FHIT: variants seen among roughly 807,000 people sequenced by gnomAD.
FHIT encodes bis(5'-adenosyl)-triphosphatase.
A neutral mutation model predicts 17.9 loss-of-function variants in FHIT; 19 were observed. That is an observed-to-expected ratio of 1.06 (90% CI 0.74 to 1.56). The LOEUF (loss-of-function observed/expected upper bound fraction) is 1.56, where lower values mean the gene tolerates loss of function less well. Among genes scored for constraint, FHIT ranks in the 40% most tolerant of loss-of-function variants. The pLI, the probability that FHIT is intolerant of heterozygous loss-of-function variation, is 0.00. For missense variants in FHIT, 248 were observed against 189.2 expected (o/e 1.31, Z -1.82); for synonymous variants, 81 against 69.7 (o/e 1.16, Z -0.81).
intron 5 of FHIT, among the ~76,000 whole-genome samples, chr3:60,049,323 C>T (rs1701779687): frequency 6.6e-6 from 1 of 152,104 alleles, no homozygotes; most frequent in African/African-American, 2.4e-5. Flanking sequence ...CATGCAGCTA[C>T]CGGGCATTTG....
intron 8 of FHIT, among the ~76,000 whole-genome samples, chr3:59,909,394 A>G (rs1013010803): frequency 6.0e-5 from 9 of 150,524 alleles, no homozygotes; most frequent in African/African-American, 2.2e-4. Flanking sequence ...CAGTGGCATG[A>G]TCTCAGCTCA....
intron 5 of FHIT, among the ~76,000 whole-genome samples, chr3:60,443,048 G>A (rs1345382395): frequency 6.6e-6 from 1 of 152,126 alleles, no homozygotes; most frequent in Admixed American, 6.5e-5. Flanking sequence ...GTGAATGGGA[G>A]TTCACTCATG....
At chr3:60,365,657 C>A (rs1576544680) in intron 5 of FHIT, among the ~76,000 whole-genome samples, 1 of 152,164 alleles carries the variant, frequency 6.6e-6, no homozygotes, top group African/African-American at 2.4e-5. Context: ...CCATCTCTTT[C>A]AGATCAAAAT....
intron 2 of FHIT, among the ~76,000 whole-genome samples, chr3:61,084,688 A>G (rs1328345377): frequency 6.6e-6 from 1 of 152,218 alleles, no homozygotes; most frequent in African/African-American, 2.4e-5. Context: ...TTTACATAGC[A>G]TGAAATTCAT....
At chr3:60,404,678 T>C (rs1559886857) in intron 5 of FHIT, among the ~76,000 whole-genome samples, 1 of 152,200 alleles carries the variant, frequency 6.6e-6, no homozygotes, top group African/African-American at 2.4e-5. Context: ...TTCCCAGCCC[T>C]GCAACAGGGC....
In FHIT at chr3:60,246,527, C is replaced by T. The variant is rs534070574; in HGVS notation, c.104-232375G>A. On this transcript the variant is annotated intron_variant, in intron 5 of 9. Transcript: ENST00000492590. ...GTCTTTAATTAGGAAGAACAGGTGG[C>T]TGAGAGGCACAAGGTGAGTATTAGC... 2.6e-5 allele frequency among the ~76,000 whole-genome samples: 4 copies of T among 152,140 alleles called. No individual in the cohort carries two copies. The South Asian group carries it at 6.2e-4, about 24-fold the overall frequency.
At chr3:60,621,143 GA>G (rs1307467566) in intron 4 of FHIT, among the ~76,000 whole-genome samples, 24 of 101,144 alleles carry the variant, frequency 2.4e-4, no homozygotes, top group African/African-American at 7.9e-4. Flanking sequence ...GTCTACTTTT[GA>G]TTTTTTTTTT....
chr3:60,111,107 T>A (rs1289090290), intron 5 of FHIT, among the ~76,000 whole-genome samples: 1 of 152,092 alleles, frequency 6.6e-6, no homozygotes, highest in Non-Finnish European at 1.5e-5. Flanking sequence ...GAAAAAAAAG[T>A]AATCTGATAG....
intron 5 of FHIT, among the ~76,000 whole-genome samples, chr3:60,190,652 A>G (rs564855677): frequency 3.9e-5 from 6 of 152,206 alleles, no homozygotes; most frequent in African/African-American, 1.4e-4. Context: ...ATTAGGAGAT[A>G]TACCTAATGC....
chr3:60,363,622 C>A (rs575821843), intron 5 of FHIT, among the ~76,000 whole-genome samples: 1 of 152,132 alleles, frequency 6.6e-6, no homozygotes, highest in South Asian at 2.1e-4. Context: ...GAACTTGAGC[C>A]CACTGAATTT....
chr3:60,150,812 G>T (rs1362686499), intron 5 of FHIT, among the ~76,000 whole-genome samples: 1 of 152,016 alleles, frequency 6.6e-6, no homozygotes, highest in Non-Finnish European at 1.5e-5. Context: ...CCAGCTACTT[G>T]GGAGGCTGAG....
chr3:60,849,777 C>T (rs1157305722), intron 3 of FHIT, among the ~76,000 whole-genome samples: 1 of 151,916 alleles, frequency 6.6e-6, no homozygotes, highest in Non-Finnish European at 1.5e-5. Context: ...GCTTGCCATG[C>T]TTTCTCTCTC....
At chr3:60,927,448 A>T (rs1290696122) in intron 3 of FHIT, among the ~76,000 whole-genome samples, 2 of 151,658 alleles carry the variant, frequency 1.3e-5, no homozygotes, top group Admixed American at 6.6e-5. Context: ...GCCGCCAATC[A>T]TCTGGGATGT....
At chr3:59,971,905 C>G (rs1708202580) in intron 7 of FHIT, among the ~76,000 whole-genome samples, 1 of 152,142 alleles carries the variant, frequency 6.6e-6, no homozygotes, top group Admixed American at 6.5e-5. Context: ...AGAAATTGCA[C>G]CAACGTCAGT....
intron 2 of FHIT, among the ~76,000 whole-genome samples, chr3:61,134,100 T>TACACACAC (rs150931006): frequency 0.043 from 5,736 of 134,904 alleles, 162 homozygotes; most frequent in Admixed American, 0.064. Context: ...CACACACACA[T>TACACACAC]ACACACACAC....
At chr3:60,417,712 C>T (rs781700205) in intron 5 of FHIT, among the ~76,000 whole-genome samples, 3 of 152,132 alleles carry the variant, frequency 2.0e-5, no homozygotes, top group Non-Finnish European at 4.4e-5. Flanking sequence ...TCAGCATTAG[C>T]CTGACTAACC....
intron 7 of FHIT, among the ~76,000 whole-genome samples, chr3:59,936,986 T>C (rs1706273913): frequency 6.6e-6 from 1 of 152,166 alleles, no homozygotes; most frequent in Non-Finnish European, 1.5e-5. Flanking sequence ...ACCTGTGGTA[T>C]GGACATTCCT....
rs936514204 is a variant in FHIT at position 60,510,470 on chromosome 3, T to C, written c.103+26390A>G. Among the ~76,000 whole-genome samples the C allele has an allele frequency of 3.3e-5, 5 of 152,236 alleles. No homozygotes were observed. In the East Asian group the frequency reaches 7.7e-4, roughly 23 times the overall value. The stretch of plus-strand genomic sequence containing the variant: ...AGGCCTTGAATTTGAATGGAGCATC[T>C]GCTGAGTATAATGGACCTATTTGGC... On this transcript the variant is annotated intron_variant, in intron 5 of 9. Coordinates refer to ENST00000492590, the MANE Select transcript of FHIT (RefSeq NM_002012.4).
chr3:60,203,722 T>G (rs1703025502), intron 5 of FHIT, among the ~76,000 whole-genome samples: 1 of 152,020 alleles, frequency 6.6e-6, no homozygotes, highest in Non-Finnish European at 1.5e-5. Context: ...ATATTTGATT[T>G]AGAAAAAAAT....
Sources: gnomAD v4.1 joint callset for allele counts (sites outside exome capture counted in the v4.1 genomes callset) on GRCh38, gnomAD v4.1.1 for gene constraint, MANE v1.5 for transcripts, NCBI Gene and HGNC (gene_info 2026-07-23, HGNC 2026-07-21) for gene names.